Variants in PDE4DIP observed in about 807,000 individuals in gnomAD.
PDE4DIP encodes the protein phosphodiesterase 4D interacting protein, also known as myomegalin.
A neutral mutation model predicts 221.4 loss-of-function variants in PDE4DIP; 59 were observed. The observed-to-expected ratio is 0.27, with a 90% CI of 0.22 to 0.33. PDE4DIP has a LOEUF of 0.33. Among genes scored for constraint, PDE4DIP ranks in the 10% least tolerant of loss-of-function variants. The probability of loss-of-function intolerance (pLI) is 1.00; values close to 1 mark genes in which losing one functional copy is unlikely to be tolerated. For missense variants in PDE4DIP, 1,036 were observed against 2,154.2 expected, an observed-to-expected ratio of 0.48 and a Z score of 10.28; for synonymous variants, 404 against 815.9, an observed-to-expected ratio of 0.50 and a Z score of 8.60.
chr1:148,985,587 C>A (rs2061770762), intron 21 of PDE4DIP: 2 of 152,064 alleles, frequency 1.3e-5, no homozygotes, highest in African/African-American at 2.4e-5. Flanking sequence ...AATTTGTCTC[C>A]AACAAAGAAT....
chr1:148,930,637 C>G (rs1198613489), intron 2 of PDE4DIP: 1 of 150,730 alleles, frequency 6.6e-6, no homozygotes, highest in Non-Finnish European at 1.5e-5. Context: ...TGGAATACAT[C>G]TAACCAAGGA....
At chr1:149,029,216 A>G (rs2076018606) in intron 41 of PDE4DIP, among the ~76,000 whole-genome samples, 1 of 152,204 alleles carries the variant, frequency 6.6e-6, no homozygotes, top group African/African-American at 2.4e-5. Flanking sequence ...GGATCTGCTC[A>G]GAGCTCAGGC....
At chr1:148,875,442 TAAAAGG>T (rs2148846439) in intron 3 of PDE4DIP, among the ~76,000 whole-genome samples, 1 of 10,616 alleles carries the variant, frequency 9.4e-5, no homozygotes, top group African/African-American at 3.9e-4. Flanking sequence ...AACTACAGAG[TAAAAGG>T]AATGCTTCTG....
intron 1 of PDE4DIP, among the ~76,000 whole-genome samples, chr1:148,824,258 C>T (rs1670085994): frequency 2.0e-5 from 3 of 148,318 alleles, no homozygotes; most frequent in African/African-American, 7.5e-5. Flanking sequence ...CTGAAAGGTC[C>T]GTTTTCAGAC....
intron 4 of PDE4DIP, among the ~76,000 whole-genome samples, chr1:148,934,319 A>T (rs1348237949): frequency 6.6e-6 from 1 of 151,846 alleles, no homozygotes; most frequent in Non-Finnish European, 1.5e-5. Context: ...AACCCCAATT[A>T]AAAAAAACTG....
intron 5 of PDE4DIP, among the ~76,000 whole-genome samples, chr1:148,954,884 T>C (rs2054779503): frequency 6.6e-6 from 1 of 152,270 alleles, no homozygotes; most frequent in Non-Finnish European, 1.5e-5. Context: ...AGGCATTTTT[T>C]AGAAAGCCTG....
At chr1:148,954,575 T>G (rs587664375) in intron 5 of PDE4DIP, among the ~76,000 whole-genome samples, 1 of 152,334 alleles carries the variant, frequency 6.6e-6, no homozygotes, top group Admixed American at 6.5e-5. Flanking sequence ...GCATAAACTG[T>G]TCACAGCCAG....
At chr1:148,949,927 A>G (rs16825384) in intron 5 of PDE4DIP, among the ~76,000 whole-genome samples, 18,948 of 149,672 alleles carry the variant, frequency 0.13, 1,142 homozygotes, top group Middle Eastern at 0.19. Context: ...CTTTCTTAGT[A>G]TATTGATCTT....
intron 21 of PDE4DIP, among the ~76,000 whole-genome samples, chr1:148,989,010 T>C (rs1333879588): frequency 6.6e-6 from 1 of 152,192 alleles, no homozygotes; most frequent in Admixed American, 6.6e-5. Context: ...TCCAAGTTAG[T>C]TCTGAAGACA....
Position 149,023,565 on chromosome 1 carries a change from G to GTA in PDE4DIP, c.6086-872_6086-871dup, listed in dbSNP as rs1226454311. Among the ~76,000 whole-genome samples, 16 of 145,874 alleles carry GTA rather than the reference G, an allele frequency of 1.1e-4. 2 individuals are homozygous for GTA. Among genetic ancestry groups the GTA allele is most frequent in the Non-Finnish European group, 1.7e-4 (11 of 66,578 alleles). ...TATATATATTTATATATATGTGCAT[G>GTA]TATATATATGTGTGTACATGTCATA... On this transcript the variant is annotated intron_variant, in intron 37 of 43. Transcript: ENST00000369354.
At chr1:148,975,331 T>G (rs1399654533) in intron 17 of PDE4DIP, among the ~76,000 whole-genome samples, 5 of 145,652 alleles carry the variant, frequency 3.4e-5, no homozygotes, top group Non-Finnish European at 6.0e-5. Context: ...AGTATTCATG[T>G]GCAATGTACT....
intron 2 of PDE4DIP, 95 bp downstream of exon 5, chr1:148,929,368 G>A (rs587662632): frequency 2.2e-4 from 318 of 1,431,336 alleles, no homozygotes; most frequent in Middle Eastern, 1.8e-3. Flanking sequence ...CCTATCTGTG[G>A]CATTTGAATC....
At chr1:148,956,054 T>A (rs1174890914) in intron 5 of PDE4DIP, among the ~76,000 whole-genome samples, 1 of 152,158 alleles carries the variant, frequency 6.6e-6, no homozygotes, top group African/African-American at 2.4e-5. Context: ...CTTAAGAGCC[T>A]TATGACAAAA....
chr1:148,994,572 G>T (rs2063763412), intron 22 of PDE4DIP, among the ~76,000 whole-genome samples: 1 of 145,838 alleles, frequency 6.9e-6, no homozygotes, highest in African/African-American at 2.5e-5. Flanking sequence ...TACATTTATG[G>T]GGTATATGAT....
chr1:148,984,353 T>G (rs2152283169), intron 21 of PDE4DIP: 1 of 152,192 alleles, frequency 6.6e-6, no homozygotes, highest in South Asian at 2.1e-4. Flanking sequence ...ATTTATATTT[T>G]TAAAAGATGT....
chr1:148,915,167 A>T (rs1165817222), intron 1 of PDE4DIP, among the ~76,000 whole-genome samples: 4 of 146,546 alleles, frequency 2.7e-5, no homozygotes, highest in Non-Finnish European at 4.5e-5. Flanking sequence ...TGTTTGTTTG[A>T]GACAGAGTAT....
chr1:149,032,986 G>A (rs1379023169), exon 44 of PDE4DIP: 2 of 182,736 alleles, frequency 1.1e-5, no homozygotes, highest in Non-Finnish European at 1.2e-5. Context: ...AAAGCAAAAT[G>A]TGTATAAAGA....
chr1:149,021,475 T>A (rs1553619242), intron 37 of PDE4DIP: 1 of 207,166 alleles, frequency 4.8e-6, no homozygotes, highest in Non-Finnish European at 9.6e-6. Flanking sequence ...GCCTTTAATA[T>A]TGTCGGTGAT....
intron 1 of PDE4DIP, among the ~76,000 whole-genome samples, chr1:148,920,108 A>T (rs1404436017): frequency 2.1e-5 from 3 of 145,284 alleles, no homozygotes; most frequent in Non-Finnish European, 3.0e-5. Context: ...AAGATTTTTT[A>T]AAAACTATTT....
Sources: allele counts gnomAD v4.1 joint callset (sites outside exome capture counted in the v4.1 genomes callset), GRCh38; gene constraint gnomAD v4.1.1; transcripts MANE v1.5; gene names NCBI Gene and HGNC (gene_info 2026-07-23, HGNC 2026-07-21).